The following TEX9 variants were observed in gnomAD, a reference collection of about 807,000 sequenced individuals.
TEX9 encodes the protein testis-expressed protein 9.
In TEX9, 74 loss-of-function variants were observed where a neutral mutation model predicts 59.6. The observed-to-expected ratio is 1.24, with a 90% CI of 1.03 to 1.51. The LOEUF is 1.51. TEX9 is among the 40% of genes most tolerant of loss of function. The probability of loss-of-function intolerance (pLI) is 0.00; values close to 1 mark genes in which losing one functional copy is unlikely to be tolerated. For missense variants in TEX9, 522 were observed against 447.8 expected (o/e 1.17, Z -1.49); for synonymous variants, 186 against 152.2 (o/e 1.22, Z -1.64).
chr15:56,289,181 C>T (rs527605611), intron 1 of TEX9, among the ~76,000 whole-genome samples: 1 of 152,184 alleles, frequency 6.6e-6, no homozygotes, highest in East Asian at 1.9e-4. Context: ...TCTGAGCTTC[C>T]TTTAAACAAT....
At chr15:56,341,486 A>C (rs2046371508) in intron 1 of TEX9, among the ~76,000 whole-genome samples, 1 of 152,124 alleles carries the variant, frequency 6.6e-6, no homozygotes, top group African/African-American at 2.4e-5. Flanking sequence ...TACCACCCTT[A>C]GGGTCTGCTT....
chr15:56,271,067 A>AT (rs1481780455), intron 1 of TEX9, among the ~76,000 whole-genome samples: 1 of 151,786 alleles, frequency 6.6e-6, no homozygotes, highest in African/African-American at 2.4e-5. Context: ...TGCCCTTAAC[A>AT]TTTTTCCCTT....
rs1336483310 is a variant in TEX9, at chr15:56,365,748, A to G, written c.119+78A>G. 12 of 1,579,048 alleles carry G rather than the reference A, an allele frequency of 7.6e-6. No homozygotes were observed. In the African/African-American group the frequency reaches 1.5e-4, roughly 20 times the overall value. On this transcript the variant is annotated intron_variant, in intron 2 of 12. Coordinates refer to ENST00000352903, the Ensembl canonical transcript of TEX9. ...TGCTTACAAGTACTTTTTTCTGGAG[A>G]CTGGCTGGATCTTCGGGACCACTCA...
At chr15:56,281,374 A>T (rs1412811030) in intron 1 of TEX9, among the ~76,000 whole-genome samples, 1 of 152,240 alleles carries the variant, frequency 6.6e-6, no homozygotes, top group African/African-American at 2.4e-5. Context: ...GCAGCAAGCT[A>T]GCATTACTGC....
chr15:56,307,812 G>A (rs1281141038), intron 1 of TEX9, among the ~76,000 whole-genome samples: 1 of 152,058 alleles, frequency 6.6e-6, no homozygotes, highest in African/African-American at 2.4e-5. Flanking sequence ...GCCTATTCTG[G>A]ACATTTCATA....
At chr15:56,406,967 C>G (rs756045958) in intron 9 of TEX9, among the ~76,000 whole-genome samples, 1 of 151,780 alleles carries the variant, frequency 6.6e-6, no homozygotes, top group Non-Finnish European at 1.5e-5. Flanking sequence ...GCTTGTTTAC[C>G]CAAAATATTA....
chr15:56,457,988 A>C, the TEX9 span, among the ~76,000 whole-genome samples: 3 of 152,332 alleles, frequency 2.0e-5, no homozygotes, highest in African/African-American at 7.2e-5. Context: ...TCATCATGTG[A>C]GTGGTCAAAT....
chr15:56,346,196 G>A (rs1303240088), intron 1 of TEX9, among the ~76,000 whole-genome samples: 1 of 152,220 alleles, frequency 6.6e-6, no homozygotes, highest in Non-Finnish European at 1.5e-5. Flanking sequence ...AGAAGTCCCA[G>A]TGAAAGTGAA....
chr15:56,382,276 T>G (rs2047766550), intron 3 of TEX9, among the ~76,000 whole-genome samples: 1 of 152,190 alleles, frequency 6.6e-6, no homozygotes, highest in African/African-American at 2.4e-5. Context: ...CCTCTGGCCC[T>G]GGGCAAGTCT....
At chr15:56,326,465 C>T (rs2046021832) in intron 1 of TEX9, among the ~76,000 whole-genome samples, 2 of 152,046 alleles carry the variant, frequency 1.3e-5, no homozygotes, top group South Asian at 2.1e-4. Flanking sequence ...TATTTTTAAA[C>T]ATCCACGTTT....
intron 1 of TEX9, among the ~76,000 whole-genome samples, chr15:56,247,265 C>G (rs2043881445): frequency 2.6e-5 from 4 of 152,102 alleles, no homozygotes; most frequent in African/African-American, 9.7e-5. Context: ...TAAATAAGAC[C>G]TGGCCCCAAC....
chr15:56,272,422 G>A (rs909756110), intron 1 of TEX9, among the ~76,000 whole-genome samples: 1 of 152,210 alleles, frequency 6.6e-6, no homozygotes, highest in Admixed American at 6.5e-5. Flanking sequence ...GAGTTCATCT[G>A]TGTTGTAGCA....
At chr15:56,446,986 A>T, downstream of TEX9, 1 of 1,383,468 alleles carries the variant, frequency 7.2e-7, no homozygotes, top group Non-Finnish European at 1.0e-6. Flanking sequence ...TAGGACCATA[A>T]GAGAATGAAA....
intron 1 of TEX9, among the ~76,000 whole-genome samples, chr15:56,353,177 T>A (rs567535849): frequency 1.1e-4 from 17 of 152,246 alleles, no homozygotes; most frequent in African/African-American, 4.1e-4. Flanking sequence ...AACCCAAAGT[T>A]TGTCAAGAAA....
chr15:56,401,358 C>T (rs11071266), intron 9 of TEX9, among the ~76,000 whole-genome samples: 143,718 of 143,924 alleles, frequency 1, 71,757 homozygotes, highest in East Asian at 1. Flanking sequence ...TAGCCTCTGA[C>T]AAAACAGACT....
At chr15:56,289,302 C>A (rs1398637912) in intron 1 of TEX9, among the ~76,000 whole-genome samples, 1 of 151,752 alleles carries the variant, frequency 6.6e-6, no homozygotes, top group African/African-American at 2.4e-5. Context: ...TTTCATGTTT[C>A]TTATTGTTTT....
chr15:56,440,650 A>G (rs1406908255), intron 12 of TEX9, among the ~76,000 whole-genome samples: 1 of 152,186 alleles, frequency 6.6e-6, no homozygotes, highest in East Asian at 1.9e-4. Context: ...GGAACAAATG[A>G]TCAATACAAG....
chr15:56,367,521 G>A (rs1473503883), intron 2 of TEX9, among the ~76,000 whole-genome samples: 6 of 152,118 alleles, frequency 3.9e-5, no homozygotes, highest in Admixed American at 6.5e-5. Flanking sequence ...TCGCTCAAGT[G>A]GATAGATTTT....
At chr15:56,256,637 A>T (rs2044151206) in intron 1 of TEX9, among the ~76,000 whole-genome samples, 1 of 151,958 alleles carries the variant, frequency 6.6e-6, no homozygotes, top group Non-Finnish European at 1.5e-5. Flanking sequence ...AAAGTCTGGA[A>T]TGTCTCACCA....
Sources: gnomAD v4.1 joint callset for allele counts (sites outside exome capture counted in the v4.1 genomes callset) on GRCh38, gnomAD v4.1.1 for gene constraint, MANE v1.5 for transcripts, NCBI Gene and HGNC (gene_info 2026-07-23, HGNC 2026-07-21) for gene names.